IPO7: variants seen among roughly 807,000 people sequenced by gnomAD.
IPO7 encodes the protein importin 7, also known as importin-7.
In IPO7, 13 loss-of-function variants were observed where a neutral mutation model predicts 136.4. The ratio of observed to expected loss-of-function variants is 0.10; its 90% CI spans 0.06 to 0.15. IPO7 has a LOEUF of 0.15. Ranked by LOEUF, IPO7 falls within the 10% of genes least tolerant of loss-of-function variation. The pLI is 1.00. For missense variants in IPO7, 857 were observed against 1,240.6 expected (o/e 0.69, Z 4.65); for synonymous variants, 403 against 404.4 (o/e 1.00, Z 0.04).
chr11:9,433,005 T>TTTTTTTTTTTTA (rs1855320210), intron 16 of IPO7: 6 of 150,198 alleles, frequency 4.0e-5, no homozygotes, highest in Non-Finnish European at 7.4e-5. Context: ...TTTTTTTTTT[T>TTTTTTTTTTTTA]GAGATGGAGT....
chr11:9,441,625 T>TG (rs1205647988), intron 23 of IPO7, among the ~76,000 whole-genome samples: 1 of 152,200 alleles, frequency 6.6e-6, no homozygotes, highest in Non-Finnish European at 1.5e-5. Flanking sequence ...GTGCCAAACT[T>TG]GTTGTTTCTG....
At chr11:9,396,591 A>C (rs1854712593) in intron 1 of IPO7, among the ~76,000 whole-genome samples, 1 of 152,126 alleles carries the variant, frequency 6.6e-6, no homozygotes, top group South Asian at 2.1e-4. Flanking sequence ...CCCCGACCCC[A>C]TTCCTAGCCC....
intron 13 of IPO7, 169 bp downstream of exon 13, chr11:9,428,798 C>A (rs773784717): frequency 2.6e-6 from 2 of 783,130 alleles, no homozygotes; most frequent in East Asian, 4.9e-5. Flanking sequence ...TAGGTTTCAT[C>A]TGTGTCTGGT....
rs368004423 is a variant in IPO7 at position 9,432,639 on chromosome 11, GA to G, written c.1882-928del. 5.9e-3 allele frequency among the ~76,000 whole-genome samples: 899 copies of G among 152,224 alleles called. 17 individuals carry two copies. Among genetic ancestry groups the G allele is most frequent in the African/African-American group, 0.021 (856 of 41,550 alleles). ...TAAATGTATTAAGTTCTGTATATTT[GA>G]AATGGATGTCTTGCTTTTATATCTG... On this transcript the variant is annotated intron_variant, in intron 16 of 24. Transcript: ENST00000379719.
At chr11:9,438,383 T>A in intron 22 of IPO7, 98 bp downstream of exon 22, 1 of 753,388 alleles carries the variant, frequency 1.3e-6, no homozygotes, top group Non-Finnish European at 2.2e-6. Flanking sequence ...TCCCAGCACT[T>A]TGGGAGGCTG....
intron 15 of IPO7, among the ~76,000 whole-genome samples, chr11:9,430,193 C>G (rs1248918597): frequency 6.6e-6 from 1 of 152,122 alleles, no homozygotes; most frequent in Non-Finnish European, 1.5e-5. Context: ...CAGTCCACTG[C>G]CTGGAGACTG....
rs371192649 is a variant in IPO7 at position 9,427,484 on chromosome 11, T to G, written c.1336-1056T>G. On this transcript the variant is annotated intron_variant, in intron 12 of 24. Transcript: ENST00000379719. ...CATGTTGGCCTGGCTGGTCTCGAAC[T>G]CCTGACCTCAGGTGATCCACCCGCC... 3.0e-4 allele frequency among the ~76,000 whole-genome samples: 46 copies of G among 152,316 alleles called. 1 individual carries two copies. In the South Asian group the frequency reaches 4.8e-3, roughly 16 times the overall value.
In IPO7 at chr11:9,421,480, T is replaced by C. The variant is rs190456170; in HGVS notation, c.906+782T>C. Among the ~76,000 whole-genome samples the C allele has an allele frequency of 8.3e-5, 11 of 132,870 alleles. No homozygotes were observed. The East Asian group carries it at 2.6e-3, about 32-fold the overall frequency. 87.2% of individuals were successfully genotyped at this position (132,870 alleles called of 152,430 possible). ...CCGTCTCTACTAAAAATACAAAAAT[T>C]AGCTGGGCGTGGTGGTGCGTGCCTG... On this transcript the variant is annotated intron_variant, in intron 8 of 24. Coordinates refer to ENST00000379719, the MANE Select transcript of IPO7 (RefSeq NM_006391.3).
rs996318654 is a variant in IPO7 at position 9,437,541 on chromosome 11, A to G, written c.2269-213A>G. 1.4e-4 allele frequency among the ~76,000 whole-genome samples: 21 copies of G among 152,226 alleles called. 1 individual carries two copies. Among genetic ancestry groups the G allele is most frequent in the African/African-American group, 4.6e-4 (19 of 41,472 alleles). On this transcript the variant is annotated intron_variant, in intron 20 of 24. Transcript: ENST00000379719. ...AGTGCTGGGATTACAGGCGTGAGCC[A>G]CCACTCCCGGCCCGTCGTGAGCTTT... is the stretch of plus-strand genomic sequence containing the variant.
chr11:9,425,594 C>T (rs561524114), intron 12 of IPO7, among the ~76,000 whole-genome samples: 1 of 151,730 alleles, frequency 6.6e-6, no homozygotes, highest in African/African-American at 2.4e-5. Flanking sequence ...TACAAAAATC[C>T]GCCGGGCGTG....
chr11:9,408,888 A>G (rs1264809655), intron 3 of IPO7, among the ~76,000 whole-genome samples: 1 of 150,408 alleles, frequency 6.6e-6, no homozygotes, highest in African/African-American at 2.4e-5. Context: ...TAATTTTTGT[A>G]TTTTTAGTAG....
chr11:9,412,425 A>G (rs1854979645), intron 4 of IPO7, among the ~76,000 whole-genome samples: 1 of 152,246 alleles, frequency 6.6e-6, no homozygotes, highest in Admixed American at 6.5e-5. Flanking sequence ...TTTTGATAAT[A>G]TCTGTTCCAA....
At chr11:9,436,616 G>A (rs1032472900) in intron 20 of IPO7, among the ~76,000 whole-genome samples, 3 of 151,086 alleles carry the variant, frequency 2.0e-5, no homozygotes, top group Non-Finnish European at 2.9e-5. Flanking sequence ...AAGATTTTTT[G>A]GATAGCTTTA....
chr11:9,396,376 A>G (rs772616604), intron 1 of IPO7, among the ~76,000 whole-genome samples: 1 of 152,166 alleles, frequency 6.6e-6, no homozygotes, highest in Non-Finnish European at 1.5e-5. Flanking sequence ...GGCCAGGGAG[A>G]CAAAGCGAGA....
At position 9,429,056 on chromosome 11, in the gene IPO7, G is replaced by T. The variant is rs1855255316; in HGVS notation, c.1451G>T (p.Cys484Phe). ...GCTTGCTGGGTACTTCACTATTTTT[G>T]TGAAGTGAAGTTCAAAAGTGATCAG... ...ARACWVLHYF[C>F]EVKFKSDQNL... The change falls in exon 14 of 25, where the codon TGT becomes TTT. Residue 484 changes from cysteine (C) to phenylalanine (F), a missense_variant. This residue lies in a region of IPO7 where 127 missense variants were observed against 222.4 expected (regional missense o/e 0.57). Coordinates refer to ENST00000379719, the MANE Select transcript of IPO7 (RefSeq NM_006391.3). The T allele has an allele frequency of 6.2e-7, 1 of 1,613,556 alleles. No homozygotes were observed. Among genetic ancestry groups the T allele is most frequent in the South Asian group, 1.1e-5 (1 of 91,016 alleles).
chr11:9,384,868 G>T (rs754188467), intron 1 of IPO7, 21 bp downstream of exon 1: 19 of 1,570,870 alleles, frequency 1.2e-5, no homozygotes, highest in Non-Finnish European at 1.6e-5. Context: ...CCGGCTAGCG[G>T]TGGCGGCGGG....
chr11:9,443,233 C>G (rs1855482464), intron 24 of IPO7, among the ~76,000 whole-genome samples: 1 of 151,714 alleles, frequency 6.6e-6, no homozygotes, highest in Non-Finnish European at 1.5e-5. Context: ...CAGTTGAAGA[C>G]TACTTTCAGT....
intron 1 of IPO7, chr11:9,403,003 CAG>C (rs1420119294): frequency 1.6e-5 from 5 of 312,616 alleles, no homozygotes; most frequent in Non-Finnish European, 3.0e-5. Flanking sequence ...GCCTGGGCGA[CAG>C]AGTGAGACTC....
rs201051726 is a variant in IPO7 at position 9,409,993 on chromosome 11, T to C, written c.386T>C (p.Ile129Thr). 2 of 1,608,926 alleles carry C rather than the reference T, an allele frequency of 1.2e-6. No homozygotes were observed. The highest frequency in any genetic ancestry group is 1.7e-5 in the Admixed American group (1 of 59,218). The change falls in exon 4 of 25, where the codon ATT (isoleucine) becomes ACT (threonine). Residue 129 changes from isoleucine (I) to threonine (T), a missense_variant. By Grantham distance (89) the Ile-to-Thr change is moderately conservative. Around this residue, in one of 11 missense-constraint regions of IPO7, gnomAD observed 287 missense variants for 307.5 expected, o/e 0.93. Transcript: ENST00000379719. The part of the protein sequence containing the change: ...KHDYPSRWTA[I>T]VDKIGFYLQS... The stretch of plus-strand genomic sequence containing the variant: ...GATTATCCAAGCCGCTGGACTGCCA[T>C]TGTGGACAAAATTGGCTTTTATCTT...
Sources: gnomAD v4.1 joint callset for allele counts (sites outside exome capture counted in the v4.1 genomes callset) on GRCh38, gnomAD v4.1.1 for gene constraint, gnomAD v4.1.1 regional missense constraint, MANE v1.5 for transcripts, NCBI Gene and HGNC (gene_info 2026-07-23, HGNC 2026-07-21) for gene names.